FHL2: variants seen among roughly 807,000 people sequenced by gnomAD.
FHL2 encodes the protein four and a half LIM domains protein 2.
A neutral mutation model predicts 32.7 loss-of-function variants in FHL2; 20 were observed. The ratio of observed to expected loss-of-function variants is 0.61; its 90% CI spans 0.43 to 0.89. The LOEUF (loss-of-function observed/expected upper bound fraction) is 0.89. Among genes scored for constraint, FHL2 ranks in the 40% least tolerant of loss-of-function variants. The pLI, the probability that FHL2 is intolerant of heterozygous loss-of-function variation, is 0.00. For synonymous variants in FHL2, 123 were observed against 128.1 expected (o/e 0.96, Z 0.27); for missense variants, 311 against 358.6 (o/e 0.87, Z 1.07).
intron 4 of FHL2, among the ~76,000 whole-genome samples, chr2:105,368,003 G>A (rs558163831): frequency 1.3e-5 from 2 of 152,196 alleles, no homozygotes; most frequent in Non-Finnish European, 2.9e-5. Context: ...GAATACCGTG[G>A]TTAGGAATGT....
downstream of FHL2, chr2:105,360,502 GC>G (rs1680178317): frequency 6.6e-6 from 1 of 152,188 alleles, no homozygotes; most frequent in African/African-American, 2.4e-5. Context: ...GACTACAGGC[GC>G]TCACCACCAC....
chr2:105,373,797 G>T, intron 3 of FHL2, 64 bp from the exon 4 acceptor site: 1 of 1,563,774 alleles, frequency 6.4e-7, no homozygotes, highest in Non-Finnish European at 8.8e-7. Flanking sequence ...CCACAGCATA[G>T]GGGCCCCTTG....
upstream of FHL2, among the ~76,000 whole-genome samples, chr2:105,404,007 G>A (rs990168440): frequency 1.3e-5 from 2 of 152,200 alleles, no homozygotes; most frequent in Non-Finnish European, 2.9e-5. Context: ...GGGGTCGTGG[G>A]GGGGAGGCTG....
chr2:105,389,352 A>G (rs896580353), intron 2 of FHL2, among the ~76,000 whole-genome samples: 3 of 152,192 alleles, frequency 2.0e-5, no homozygotes, highest in African/African-American at 7.2e-5. Flanking sequence ...TTGTTCAGTT[A>G]TTGGCCTTGA....
At chr2:105,370,216 A>C (rs56033981) in intron 4 of FHL2, among the ~76,000 whole-genome samples, 23,178 of 149,346 alleles carry the variant, frequency 0.16, 2,180 homozygotes, top group East Asian at 0.31. Flanking sequence ...CTACCCCCCC[A>C]AAAAAAAAAT....
At chr2:105,404,997 C>G (rs1683581467) in intron 1 of FHL2, among the ~76,000 whole-genome samples, 1 of 152,044 alleles carries the variant, frequency 6.6e-6, no homozygotes, top group Non-Finnish European at 1.5e-5. Flanking sequence ...TTTGATACCT[C>G]TTTAAGAAAG....
intron 1 of FHL2, among the ~76,000 whole-genome samples, chr2:105,434,187 G>A (rs1319043166): frequency 1.3e-5 from 2 of 152,204 alleles, no homozygotes; most frequent in African/African-American, 2.4e-5. Flanking sequence ...ATTCATTTAT[G>A]TCATTCAAAC....
At chr2:105,416,066 C>G (rs578170414) in intron 1 of FHL2, among the ~76,000 whole-genome samples, 1 of 152,300 alleles carries the variant, frequency 6.6e-6, no homozygotes, top group East Asian at 1.9e-4. Context: ...CCTATCTACT[C>G]TTTAATATTA....
chr2:105,419,332 T>C (rs1191750380), intron 1 of FHL2, among the ~76,000 whole-genome samples: 1 of 152,224 alleles, frequency 6.6e-6, no homozygotes, highest in African/African-American at 2.4e-5. Context: ...CTGCACCCAA[T>C]TTGTAGTCTT....
At position 105,386,511 on chromosome 2, in the gene FHL2, A is replaced by C. The variant is rs1340694263; in HGVS notation, c.6T>G (p.Thr2=). 1 of 1,614,220 alleles carries C rather than the reference A, an allele frequency of 6.2e-7. No individual in the cohort carries two copies. Among genetic ancestry groups the C allele is most frequent in the South Asian group, 1.1e-5 (1 of 91,090 alleles). Residue 2 remains threonine (T), a synonymous_variant, in exon 3 of 7, where the codon ACT becomes ACG. Transcript: ENST00000530340. ...TGCAATGGTGGCAGTCAAAGCGCTC[A>C]GTCATTTTGACTCCTGGCTTTTCAG... M[T]ERFDCHHCNE... is the part of the protein sequence containing the mutation.
chr2:105,435,955 C>T (rs1684596775), intron 1 of FHL2, among the ~76,000 whole-genome samples: 1 of 152,102 alleles, frequency 6.6e-6, no homozygotes, highest in Non-Finnish European at 1.5e-5. Flanking sequence ...GCATTGTTGC[C>T]TTGATATGGT....
chr2:105,417,812 G>C (rs1328022467), intron 1 of FHL2, among the ~76,000 whole-genome samples: 1 of 152,052 alleles, frequency 6.6e-6, no homozygotes, highest in Non-Finnish European at 1.5e-5. Context: ...ATGCAGCTGG[G>C]CTTTTCTTTT....
upstream of FHL2, chr2:105,399,151 G>A: frequency 1.5e-6 from 2 of 1,364,144 alleles, no homozygotes; most frequent in Non-Finnish European, 1.9e-6. Flanking sequence ...CGTGGGGCGC[G>A]GGGGGCGGGC....
chr2:105,380,059 G>A (rs4464294), intron 3 of FHL2, among the ~76,000 whole-genome samples: 23,139 of 152,156 alleles, frequency 0.15, 2,159 homozygotes, highest in South Asian at 0.21. Flanking sequence ...TCCTGGACTC[G>A]CTTCTTAAGA....
chr2:105,420,986 G>A (rs1684086776), intron 1 of FHL2, among the ~76,000 whole-genome samples: 1 of 152,152 alleles, frequency 6.6e-6, no homozygotes, highest in African/African-American at 2.4e-5. Flanking sequence ...ACAAGTTTTA[G>A]GAGAAAACGG....
intron 1 of FHL2, among the ~76,000 whole-genome samples, chr2:105,438,130 T>C (rs866883746): frequency 6.6e-6 from 1 of 152,226 alleles, no homozygotes; most frequent in Non-Finnish European, 1.5e-5. Flanking sequence ...TCATTCCCAA[T>C]GAGCAGGGGT....
Position 105,361,111 on chromosome 2 carries a change from T to G in FHL2, c.*172A>C. 1.7e-6 allele frequency: 1 copy of G among 586,132 alleles called. No homozygotes were observed. Among genetic ancestry groups the G allele is most frequent in the Non-Finnish European group, 2.8e-6 (1 of 355,010 alleles). The allele number at this position is 586,132 out of a possible 1,614,324, so 36.3% of individuals were successfully genotyped here. On this transcript the variant is annotated 3_prime_UTR_variant, in exon 7 of 7. Transcript: ENST00000530340. ...GGCGAGTTTTCTCTTTCCCTGGGAC[T>G]GAACTATCACAAAGCACTAAAGGGT...
At chr2:105,436,452 T>G (rs1684614390) in intron 1 of FHL2, among the ~76,000 whole-genome samples, 1 of 152,204 alleles carries the variant, frequency 6.6e-6, no homozygotes, top group African/African-American at 2.4e-5. Context: ...TTGGTCATAA[T>G]GATATATAGA....
rs180905124 is a variant in FHL2 at position 105,411,665 on chromosome 2, C to A, written c.-24-25125G>T. Among the ~76,000 whole-genome samples, 1,386 of 149,734 alleles carry A rather than the reference C, an allele frequency of 9.3e-3. 10 individuals carry two copies. Among genetic ancestry groups the A allele is most frequent in the Middle Eastern group, 0.018 (5 of 284 alleles). On this transcript the variant is annotated intron_variant, in intron 1 of 5. Coordinates refer to the FHL2 transcript ENST00000393352. ...GACCAGCCTGACCAACATGGTGAAACCCTGTCTCTACTCAAAATACAAAAA... is the reference window on the plus strand; with the variant it reads ...GACCAGCCTGACCAACATGGTGAAAACCTGTCTCTACTCAAAATACAAAAA...
Sources: allele counts gnomAD v4.1 joint callset (sites outside exome capture counted in the v4.1 genomes callset), GRCh38; gene constraint gnomAD v4.1.1; transcripts MANE v1.5; gene names NCBI Gene and HGNC (gene_info 2026-07-23, HGNC 2026-07-21).